PPP2R2C: variants seen among roughly 807,000 people sequenced by gnomAD.
The protein encoded by PPP2R2C is protein phosphatase 2 regulatory subunit Bgamma.
In PPP2R2C, 10 loss-of-function variants were observed where a neutral mutation model predicts 45.3. The ratio of observed to expected loss-of-function variants is 0.22; its 90% CI spans 0.14 to 0.37. The LOEUF (loss-of-function observed/expected upper bound fraction) is 0.37. Among genes scored for constraint, PPP2R2C ranks in the 10% least tolerant of loss-of-function variants. The pLI, the probability that PPP2R2C is intolerant of heterozygous loss-of-function variation, is 1.00. For synonymous variants in PPP2R2C, 257 were observed against 245.4 expected (o/e 1.05, Z -0.44); for missense variants, 308 against 619.7 (o/e 0.50, Z 5.34).
chr4:6,491,297 C>A (rs185726806), intron 2 of PPP2R2C, among the ~76,000 whole-genome samples: 4 of 152,290 alleles, frequency 2.6e-5, no homozygotes, highest in Admixed American at 2.0e-4. Context: ...CTCTGTGCCT[C>A]CTGCATGATG....
Position 6,378,630 on chromosome 4 carries a change from G to A in PPP2R2C, c.169-58C>T. 2 of 1,545,374 alleles carry A rather than the reference G, an allele frequency of 1.3e-6. No homozygotes were observed. Among genetic ancestry groups the A allele is most frequent in the South Asian group, 1.2e-5 (1 of 80,828 alleles). The stretch of plus-strand genomic sequence containing the variant: ...CCGTGACCTGCAGGGCGACGGCTAG[G>A]ACCTCCGGGGACCCAGCAGGGCCGG... On this transcript the variant is annotated intron_variant, in intron 2 of 8. Coordinates refer to ENST00000382599, the MANE Select transcript of PPP2R2C (RefSeq NM_020416.4). The surrounding 1 kb of genome is among the most constrained non-coding windows in gnomAD (Gnocchi z 5.2).
intron 1 of PPP2R2C, among the ~76,000 whole-genome samples, chr4:6,394,467 G>A (rs999813001): frequency 1.3e-5 from 2 of 152,246 alleles, no homozygotes; most frequent in Non-Finnish European, 2.9e-5. Flanking sequence ...ACAGAGAGAG[G>A]AAAAGGGTTT....
In PPP2R2C at chr4:6,512,120, GGGTGGTGGT is replaced by G. The variant is rs764467530; in HGVS notation, c.49+23142_49+23150del. On this transcript the variant is annotated intron_variant, in intron 2 of 9. Transcript: ENST00000506140. ...GTGGTGGTGGTGGTGGTGATGGTGGGGGTGGTGGTGGTGGTGATTATGGTGGTAGTGGTG... is the reference window on the plus strand; with the variant it reads ...GTGGTGGTGGTGGTGGTGATGGTGGGGGTGGTGATTATGGTGGTAGTGGTG... Among the ~76,000 whole-genome samples, 39 of 19,900 alleles carry G rather than the reference GGGTGGTGGT, an allele frequency of 2.0e-3. 1 individual carries two copies. Among genetic ancestry groups the G allele is most frequent in the African/African-American group, 7.6e-3 (33 of 4,328 alleles). The allele number at this position is 19,900 out of a possible 152,430, so 13.1% of individuals were successfully genotyped here. A position where few individuals can be genotyped will look rare whatever the true frequency, so the allele number is the denominator to read the frequency against.
chr4:6,542,635 C>A (rs1177091526), intron 1 of PPP2R2C, among the ~76,000 whole-genome samples: 2 of 138,844 alleles, frequency 1.4e-5, no homozygotes, highest in Admixed American at 1.6e-4. Flanking sequence ...ACCTGGGAGG[C>A]AAAGGTTGCA....
At chr4:6,552,911 AC>A (rs1261588320) in intron 1 of PPP2R2C, among the ~76,000 whole-genome samples, 1 of 152,234 alleles carries the variant, frequency 6.6e-6, no homozygotes, top group Non-Finnish European at 1.5e-5. Flanking sequence ...ATGAATGGCC[AC>A]ACACATGCCC....
intron 3 of PPP2R2C, 104 bp from the exon 4 acceptor site, chr4:6,376,035 G>C (rs1560494582): frequency 1.0e-6 from 1 of 955,990 alleles, no homozygotes; most frequent in Non-Finnish European, 1.6e-6. Flanking sequence ...CCTGGGGAAG[G>C]AGGGGGTTCT....
chr4:6,351,691 C>T (rs954470467), intron 5 of PPP2R2C, among the ~76,000 whole-genome samples: 2 of 152,136 alleles, frequency 1.3e-5, no homozygotes, highest in Non-Finnish European at 2.9e-5. Flanking sequence ...ACGGCCAATG[C>T]GGCAGGCCCT....
intron 1 of PPP2R2C, among the ~76,000 whole-genome samples, chr4:6,432,430 G>A (rs775149519): frequency 1.1e-4 from 17 of 149,810 alleles, no homozygotes; most frequent in South Asian, 6.4e-4. Flanking sequence ...AAGGACCGTC[G>A]GGACCCAGCG....
intron 2 of PPP2R2C, among the ~76,000 whole-genome samples, chr4:6,515,278 C>G (rs4571410): frequency 1.3e-5 from 2 of 152,076 alleles, no homozygotes; most frequent in Admixed American, 6.5e-5. Flanking sequence ...GTTTGACAAC[C>G]GAACACTCTC....
rs577580411 is a variant in PPP2R2C at position 6,362,562 on chromosome 4, A to C, written c.625+9961T>G. On this transcript the variant is annotated intron_variant, in intron 5 of 8. Coordinates refer to ENST00000382599, the MANE Select transcript of PPP2R2C (RefSeq NM_020416.4). ...CAGGACCTAAAGCAAGAACCAAGAAATACGGCTGTCTCAACAAAGCTGGGC... is the reference window on the plus strand; with the variant it reads ...CAGGACCTAAAGCAAGAACCAAGAACTACGGCTGTCTCAACAAAGCTGGGC... Among the ~76,000 whole-genome samples the C allele has an allele frequency of 2.6e-5, 4 of 152,340 alleles. 1 individual carries two copies. Among genetic ancestry groups the C allele is most frequent in the African/African-American group, 9.6e-5 (4 of 41,584 alleles).
At chr4:6,516,776 T>G (rs1723840298) in intron 2 of PPP2R2C, among the ~76,000 whole-genome samples, 1 of 152,240 alleles carries the variant, frequency 6.6e-6, no homozygotes, top group Admixed American at 6.5e-5. Flanking sequence ...GATCCTGTTT[T>G]TAGTCCTCAC....
intron 2 of PPP2R2C, among the ~76,000 whole-genome samples, chr4:6,488,219 G>A (rs1163273438): frequency 1.3e-5 from 2 of 152,188 alleles, no homozygotes; most frequent in African/African-American, 2.4e-5. Flanking sequence ...AGTCTTAACT[G>A]ATTGACTTTT....
chr4:6,413,785 G>A (rs1190051461), intron 1 of PPP2R2C: 2 of 1,325,984 alleles, frequency 1.5e-6, no homozygotes, highest in African/African-American at 2.9e-5. Context: ...TCTGAGAAGT[G>A]GAGACTGGCC....
intron 1 of PPP2R2C, among the ~76,000 whole-genome samples, chr4:6,406,866 A>G (rs998521435): frequency 6.6e-6 from 1 of 152,230 alleles, no homozygotes; most frequent in African/African-American, 2.4e-5. Context: ...GGGTCTTTGA[A>G]GACATAATTA....
At chr4:6,384,758 T>C in intron 1 of PPP2R2C, 2 of 985,476 alleles carry the variant, frequency 2.0e-6, no homozygotes, top group South Asian at 9.4e-5. Flanking sequence ...TCCTTTAACC[T>C]CACGCCAGCC....
At chr4:6,478,715 G>C (rs1722249478) in intron 2 of PPP2R2C, among the ~76,000 whole-genome samples, 1 of 152,228 alleles carries the variant, frequency 6.6e-6, no homozygotes. Context: ...CCCTGCCTCA[G>C]CCGGAATGAA....
chr4:6,382,246 C>A (rs984978395), intron 1 of PPP2R2C: 18 of 1,219,452 alleles, frequency 1.5e-5, no homozygotes, highest in Non-Finnish European at 1.3e-5. Context: ...CGGGATGGCC[C>A]GCTGCTGTGA....
At chr4:6,430,390 C>T (rs1719548133) in intron 1 of PPP2R2C, among the ~76,000 whole-genome samples, 1 of 152,186 alleles carries the variant, frequency 6.6e-6, no homozygotes, top group African/African-American at 2.4e-5. Flanking sequence ...ACCTGACTGC[C>T]TGGTATCAGC....
chr4:6,531,358 A>C (rs954921077), intron 2 of PPP2R2C, among the ~76,000 whole-genome samples: 1 of 152,138 alleles, frequency 6.6e-6, no homozygotes, highest in African/African-American at 2.4e-5. Flanking sequence ...GTGACAGCAA[A>C]GGCCATCTGT....
Sources: gnomAD v4.1 joint callset for allele counts (sites outside exome capture counted in the v4.1 genomes callset) on GRCh38, gnomAD v4.1.1 for gene constraint, Gnocchi (gnomAD v3.1) non-coding constraint, MANE v1.5 for transcripts, NCBI Gene and HGNC (gene_info 2026-07-23, HGNC 2026-07-21) for gene names.